The following KCNIP4 variants were observed in gnomAD, a reference collection of about 807,000 sequenced individuals.
KCNIP4 encodes Kv channel-interacting protein 4.
In KCNIP4, 12 loss-of-function variants were observed where a neutral mutation model predicts 34.0. The observed-to-expected ratio is 0.35, with a 90% CI of 0.23 to 0.57. The LOEUF is 0.57. KCNIP4 is among the 20% of genes least tolerant of loss of function. The probability of loss-of-function intolerance (pLI) is 0.83; values close to 1 mark genes in which losing one functional copy is unlikely to be tolerated. For missense variants in KCNIP4, 238 were observed against 311.7 expected (o/e 0.76, Z 1.78); for synonymous variants, 124 against 102.2 (o/e 1.21, Z -1.29).
intron 1 of KCNIP4, among the ~76,000 whole-genome samples, chr4:21,569,050 T>C (rs958035196): frequency 6.6e-6 from 1 of 151,860 alleles, no homozygotes; most frequent in African/African-American, 2.4e-5. Context: ...TCAACCCTGC[T>C]GATGCCTTGA....
chr4:21,001,839 C>G (rs984197439), intron 1 of KCNIP4, among the ~76,000 whole-genome samples: 1 of 152,216 alleles, frequency 6.6e-6, no homozygotes, highest in Non-Finnish European at 1.5e-5. Context: ...TGCTGTAAGA[C>G]CCTCTTTCTC....
At chr4:21,513,671 A>G (rs1734523819) in intron 1 of KCNIP4, among the ~76,000 whole-genome samples, 1 of 152,224 alleles carries the variant, frequency 6.6e-6, no homozygotes, top group Non-Finnish European at 1.5e-5. Context: ...TTCAGCCTTC[A>G]CGTGGCATGT....
chr4:20,825,994 A>T (rs9990649), intron 3 of KCNIP4, among the ~76,000 whole-genome samples: 21,765 of 151,412 alleles, frequency 0.14, 2,029 homozygotes, highest in South Asian at 0.27. Flanking sequence ...TTAAAATAGC[A>T]GACTTTTTTT....
At chr4:21,819,465 G>C (rs1401527283) in intron 1 of KCNIP4, among the ~76,000 whole-genome samples, 1 of 152,088 alleles carries the variant, frequency 6.6e-6, no homozygotes, top group African/African-American at 2.4e-5. Context: ...CCTGATATTT[G>C]TTGTTTATCT....
At chr4:21,171,410 C>T (rs1442584654) in intron 1 of KCNIP4, among the ~76,000 whole-genome samples, 1 of 152,196 alleles carries the variant, frequency 6.6e-6, no homozygotes, top group African/African-American at 2.4e-5. Context: ...AATACTAAAA[C>T]TGTGCTGATC....
intron 1 of KCNIP4, among the ~76,000 whole-genome samples, chr4:21,537,108 A>G (rs1378215817): frequency 7.5e-6 from 1 of 134,170 alleles, no homozygotes; most frequent in African/African-American, 2.8e-5. Context: ...CACACTTTAC[A>G]TTCATTCAAT....
intron 1 of KCNIP4, among the ~76,000 whole-genome samples, chr4:21,025,557 T>TG (rs1560656555): frequency 2.5e-5 from 3 of 118,720 alleles, no homozygotes; most frequent in African/African-American, 7.3e-5. Flanking sequence ...TTTTTTTTTT[T>TG]TTTTTTTTTT....
At chr4:21,097,342 C>G (rs1162131412) in intron 1 of KCNIP4, among the ~76,000 whole-genome samples, 3 of 152,136 alleles carry the variant, frequency 2.0e-5, no homozygotes, top group Non-Finnish European at 4.4e-5. Flanking sequence ...AAGCCAGACA[C>G]AAAAGACCAC....
chr4:21,836,981 G>A (rs1022596030), intron 1 of KCNIP4, among the ~76,000 whole-genome samples: 15 of 146,828 alleles, frequency 1.0e-4, no homozygotes, highest in African/African-American at 2.0e-4. Context: ...GCAGTGGCAC[G>A]ATCTCGGCTC....
chr4:20,933,908 C>T (rs1176896271), intron 1 of KCNIP4, among the ~76,000 whole-genome samples: 1 of 152,110 alleles, frequency 6.6e-6, no homozygotes, highest in Admixed American at 6.6e-5. Context: ...GATGGTTGGC[C>T]ATTCTACCCA....
chr4:21,016,802 C>A (rs1739587153), intron 1 of KCNIP4, among the ~76,000 whole-genome samples: 1 of 152,026 alleles, frequency 6.6e-6, no homozygotes. Flanking sequence ...TCAGCAAACA[C>A]TGAGGGAATA....
intron 1 of KCNIP4, among the ~76,000 whole-genome samples, chr4:21,247,602 A>G (rs28528979): frequency 0.21 from 29,509 of 138,912 alleles, 5,262 homozygotes; most frequent in African/African-American, 0.49. Context: ...TACACCACAG[A>G]TGGTATATAT....
At chr4:20,789,683 T>C (rs1314531424) in intron 3 of KCNIP4, among the ~76,000 whole-genome samples, 3 of 151,696 alleles carry the variant, frequency 2.0e-5, no homozygotes, top group African/African-American at 7.3e-5. Context: ...ATCTTACCAC[T>C]GCCATATGAA....
intron 1 of KCNIP4, among the ~76,000 whole-genome samples, chr4:21,934,382 G>A (rs1438449942): frequency 3.9e-5 from 6 of 151,940 alleles, no homozygotes; most frequent in Non-Finnish European, 8.8e-5. Context: ...GCATTTAATG[G>A]TTCTTTTTCC....
At chr4:20,955,862 T>A (rs1444204040) in intron 1 of KCNIP4, among the ~76,000 whole-genome samples, 1 of 152,226 alleles carries the variant, frequency 6.6e-6, no homozygotes, top group Admixed American at 6.5e-5. Context: ...TATCCTCCTT[T>A]TATTATTTTA....
intron 1 of KCNIP4, among the ~76,000 whole-genome samples, chr4:21,446,397 G>T (rs1727991897): frequency 6.6e-6 from 1 of 151,850 alleles, no homozygotes; most frequent in Non-Finnish European, 1.5e-5. Flanking sequence ...ATGATAGACT[G>T]GATTAAGAAA....
rs559743975 is a variant in KCNIP4 at position 21,914,794 on chromosome 4, C to T, written c.61+33777G>A. On this transcript the variant is annotated intron_variant, in intron 1 of 8. Transcript: ENST00000382152. ...GAGTCACCGCTGAGCTCCCCAAGAG[C>T]AGTGGCATCACCTTCAAGGTTTACC... is the stretch of plus-strand genomic sequence containing the variant. 3.5e-3 allele frequency among the ~76,000 whole-genome samples: 532 copies of T among 152,244 alleles called. 3 individuals carry two copies. The highest frequency in any genetic ancestry group is 5.6e-3 in the Non-Finnish European group (379 of 68,018).
chr4:21,504,360 G>C (rs1207749381), intron 1 of KCNIP4, among the ~76,000 whole-genome samples: 2 of 151,386 alleles, frequency 1.3e-5, no homozygotes, highest in Admixed American at 1.3e-4. Context: ...CCCAGCTACT[G>C]GGGGAGCTGA....
At chr4:21,442,918 T>C (rs951123199) in intron 1 of KCNIP4, among the ~76,000 whole-genome samples, 5 of 152,220 alleles carry the variant, frequency 3.3e-5, no homozygotes, top group Non-Finnish European at 7.3e-5. Flanking sequence ...AGCCAAACTC[T>C]TAAGGATTCA....
Sources: gnomAD v4.1 joint callset for allele counts (sites outside exome capture counted in the v4.1 genomes callset) on GRCh38, gnomAD v4.1.1 for gene constraint, MANE v1.5 for transcripts, NCBI Gene and HGNC (gene_info 2026-07-23, HGNC 2026-07-21) for gene names.